ARHGEF3: variants seen among roughly 807,000 people sequenced by gnomAD.
The protein encoded by ARHGEF3 is Rho guanine nucleotide exchange factor 3.
A neutral mutation model predicts 63.2 loss-of-function variants in ARHGEF3; 28 were observed. The observed-to-expected ratio is 0.44, with a 90% confidence interval of 0.33 to 0.61. The LOEUF (loss-of-function observed/expected upper bound fraction) is 0.61, where lower values mean the gene tolerates loss of function less well. Ranked by LOEUF, ARHGEF3 falls within the 20% of genes least tolerant of loss-of-function variation. The probability of loss-of-function intolerance (pLI) is 0.03; values close to 1 mark genes in which losing one functional copy is unlikely to be tolerated. For synonymous variants in ARHGEF3, 266 were observed against 254.2 expected, an observed-to-expected ratio of 1.05 and a Z score of -0.44; for missense variants, 533 against 659.3, an observed-to-expected ratio of 0.81 and a Z score of 2.10.
At chr3:56,737,083 C>T in intron 8 of ARHGEF3, 102 bp downstream of exon 8, 4 of 1,271,358 alleles carry the variant, frequency 3.1e-6, no homozygotes, top group Non-Finnish European at 4.3e-6. Context: ...CAAAAAAGAA[C>T]ATGACCCTAG....
chr3:56,882,914 AGTTT>A (rs2040817363), intron 3 of ARHGEF3, among the ~76,000 whole-genome samples: 1 of 152,164 alleles, frequency 6.6e-6, no homozygotes, highest in East Asian at 1.9e-4. Flanking sequence ...TTGCTGTCAC[AGTTT>A]GTTTCTCTTT....
chr3:56,800,523 A>G (rs746174329), intron 1 of ARHGEF3, among the ~76,000 whole-genome samples: 1 of 152,170 alleles, frequency 6.6e-6, no homozygotes, highest in Non-Finnish European at 1.5e-5. Context: ...ACAACCAGAG[A>G]CTGCTTGGAG....
At chr3:56,737,071 C>A in intron 8 of ARHGEF3, 114 bp downstream of exon 8, 2 of 1,198,394 alleles carry the variant, frequency 1.7e-6, no homozygotes, top group Non-Finnish European at 2.3e-6. Flanking sequence ...GAGACTCCAT[C>A]TCAAAAAAGA....
At chr3:56,874,546 T>C (rs1241362012) in intron 4 of ARHGEF3, among the ~76,000 whole-genome samples, 2 of 152,180 alleles carry the variant, frequency 1.3e-5, no homozygotes, top group East Asian at 1.9e-4. Flanking sequence ...TGAAACACCA[T>C]TTAGCTTAAC....
At chr3:56,815,153 T>TAAAAAAAAA (rs766433521) in intron 4 of ARHGEF3, among the ~76,000 whole-genome samples, 1 of 133,412 alleles carries the variant, frequency 7.5e-6, no homozygotes, top group Non-Finnish European at 1.6e-5. Context: ...CTAAAAAAAT[T>TAAAAAAAAA]AAAAAAAAAA....
chr3:56,950,408 T>A (rs1368301820), intron 3 of ARHGEF3, among the ~76,000 whole-genome samples: 2 of 151,792 alleles, frequency 1.3e-5, no homozygotes, highest in Non-Finnish European at 2.9e-5. Flanking sequence ...ATCCAGAATC[T>A]ACAATGAACT....
chr3:57,002,777 CT>C (rs368902975), intron 2 of ARHGEF3, among the ~76,000 whole-genome samples: 17,068 of 129,404 alleles, frequency 0.13, 1,098 homozygotes, highest in Non-Finnish European at 0.19. Context: ...TATTTCTTTT[CT>C]TTTTTTTTTT....
rs147991209 is a variant in ARHGEF3 at position 56,914,423 on chromosome 3, A to G, written c.130-32069T>C. ...ATGTGGTATGTCACCGTTTAACAATATTAATTGACAAGAAAAACTGTTTAA... is the reference window on the plus strand; with the variant it reads ...ATGTGGTATGTCACCGTTTAACAATGTTAATTGACAAGAAAAACTGTTTAA... On this transcript the variant is annotated intron_variant, in intron 3 of 12. Coordinates refer to the ARHGEF3 transcript ENST00000338458. 7.3e-3 allele frequency among the ~76,000 whole-genome samples: 1,113 copies of G among 152,354 alleles called. 14 individuals carry two copies. The highest frequency in any genetic ancestry group is 0.027 in the Middle Eastern group (8 of 294).
intron 2 of ARHGEF3, among the ~76,000 whole-genome samples, chr3:57,017,024 TCTCTCTCTCA>T (rs1343489588): frequency 1.8e-5 from 2 of 111,380 alleles, no homozygotes; most frequent in African/African-American, 6.3e-5. Context: ...TCTCTCTCTC[TCTCTCTCTCA>T]CACACACACA....
intron 2 of ARHGEF3, among the ~76,000 whole-genome samples, chr3:56,985,946 C>T (rs1455871950): frequency 6.6e-6 from 1 of 152,220 alleles, no homozygotes; most frequent in Non-Finnish European, 1.5e-5. Flanking sequence ...CAGGCTGCTG[C>T]TGCTGGGCTC....
intron 2 of ARHGEF3, among the ~76,000 whole-genome samples, chr3:57,018,025 T>C (rs1196826286): frequency 6.6e-6 from 1 of 152,234 alleles, no homozygotes. Context: ...CACGCTGTAA[T>C]CCCAACACTT....
intron 4 of ARHGEF3, among the ~76,000 whole-genome samples, chr3:56,878,388 T>G (rs568762116): frequency 2.6e-5 from 4 of 152,314 alleles, no homozygotes; most frequent in African/African-American, 9.6e-5. Flanking sequence ...AGAAATAGTT[T>G]GTGTTCTAAC....
chr3:56,832,338 A>G (rs1036915696), intron 4 of ARHGEF3, among the ~76,000 whole-genome samples: 2 of 152,242 alleles, frequency 1.3e-5, no homozygotes, highest in Non-Finnish European at 2.9e-5. Context: ...TAAAAAATAT[A>G]TGTAAGTAGG....
At chr3:56,830,014 C>T (rs1003635752) in intron 4 of ARHGEF3, among the ~76,000 whole-genome samples, 3 of 152,196 alleles carry the variant, frequency 2.0e-5, no homozygotes, top group African/African-American at 2.4e-5. Flanking sequence ...GAAAATACTA[C>T]GATCACCCCA....
chr3:56,900,103 C>T (rs1308921538), intron 3 of ARHGEF3, among the ~76,000 whole-genome samples: 1 of 152,170 alleles, frequency 6.6e-6, no homozygotes, highest in East Asian at 1.9e-4. Flanking sequence ...TGTTTCCTGG[C>T]TGGCTTTGTA....
chr3:57,072,881 C>T (rs7643906), intron 1 of ARHGEF3, among the ~76,000 whole-genome samples: 41,612 of 151,826 alleles, frequency 0.27, 6,605 homozygotes, highest in East Asian at 0.47. Context: ...CCCATCTCTA[C>T]TAAAAAATAC....
intron 3 of ARHGEF3, among the ~76,000 whole-genome samples, chr3:56,897,819 C>G (rs2041355652): frequency 6.6e-6 from 1 of 152,166 alleles, no homozygotes; most frequent in Non-Finnish European, 1.5e-5. Flanking sequence ...CCCACCTCGA[C>G]CTCCCAAAGT....
chr3:57,020,688 G>A (rs1703221145), intron 2 of ARHGEF3, among the ~76,000 whole-genome samples: 1 of 152,262 alleles, frequency 6.6e-6, no homozygotes, highest in South Asian at 2.1e-4. Context: ...ACAGAAGAAA[G>A]CAGAGCCAAG....
intron 2 of ARHGEF3, among the ~76,000 whole-genome samples, chr3:57,001,355 C>T (rs774462128): frequency 4.2e-4 from 64 of 152,320 alleles, no homozygotes; most frequent in African/African-American, 1.1e-3. Context: ...AATTAATTTA[C>T]GCATTCTCCT....
Sources: gnomAD v4.1 joint callset for allele counts (sites outside exome capture counted in the v4.1 genomes callset) on GRCh38, gnomAD v4.1.1 for gene constraint, MANE v1.5 for transcripts, NCBI Gene and HGNC (gene_info 2026-07-23, HGNC 2026-07-21) for gene names.